The following RAP1GAP variants were observed in gnomAD, a reference collection of about 807,000 sequenced individuals.
RAP1GAP encodes RAP1 GTPase activating protein, also known as rap1 GTPase-activating protein 1.
Under a neutral mutation model 87.2 loss-of-function variants are expected in RAP1GAP, and 35 were observed. The ratio of observed to expected loss-of-function variants is 0.40; its 90% CI spans 0.31 to 0.53. RAP1GAP has a LOEUF of 0.53. RAP1GAP is among the 20% of genes least tolerant of loss of function. The pLI, the probability that RAP1GAP is intolerant of heterozygous loss-of-function variation, is 0.48. For synonymous variants in RAP1GAP, 375 were observed against 363.9 expected, an observed-to-expected ratio of 1.03 and a Z score of -0.35; for missense variants, 734 against 898.9, an observed-to-expected ratio of 0.82 and a Z score of 2.35.
At chr1:21,646,099 C>A (rs561999864) in intron 2 of RAP1GAP, among the ~76,000 whole-genome samples, 1 of 152,286 alleles carries the variant, frequency 6.6e-6, no homozygotes, top group Admixed American at 6.5e-5. Flanking sequence ...GACAAACAGT[C>A]ATCTGTAAGG....
Position 21,609,792 on chromosome 1 carries a change from G to T in RAP1GAP, c.1000-146C>A. 1.6e-6 allele frequency: 1 copy of T among 644,928 alleles called. No individual in the cohort carries two copies. The highest frequency in any genetic ancestry group is 2.6e-6 in the Non-Finnish European group (1 of 390,534). 40.0% of individuals were successfully genotyped at this position (644,928 alleles called of 1,614,324 possible). On this transcript the variant is annotated intron_variant, in intron 14 of 24. Coordinates refer to ENST00000374765, the MANE Select transcript of RAP1GAP (RefSeq NM_002885.4). The surrounding 1 kb of genome is among the most constrained non-coding windows in gnomAD (Gnocchi z 4.4). ...GGGCTGGATGAATCTTTCTTCCAGA[G>T]ATTTCTGCCCTCTATCTTTTGCCCT...
At chr1:21,640,053 G>T (rs1279087043) in intron 2 of RAP1GAP, among the ~76,000 whole-genome samples, 2 of 129,548 alleles carry the variant, frequency 1.5e-5, no homozygotes, top group Non-Finnish European at 3.3e-5. Flanking sequence ...CCCCATCCCC[G>T]GCCCCCCTCC....
intron 7 of RAP1GAP, among the ~76,000 whole-genome samples, chr1:21,616,726 C>T (rs1247926161): frequency 6.6e-6 from 1 of 152,212 alleles, no homozygotes; most frequent in Non-Finnish European, 1.5e-5. Flanking sequence ...CTGCATCAAC[C>T]CATGACATTA....
chr1:21,662,643 C>T (rs1299745779), intron 1 of RAP1GAP, among the ~76,000 whole-genome samples: 2 of 152,100 alleles, frequency 1.3e-5, no homozygotes, highest in Non-Finnish European at 2.9e-5. Context: ...AAGTCTCAGC[C>T]CCACCCCTGC....
intron 1 of RAP1GAP, among the ~76,000 whole-genome samples, chr1:21,666,031 C>G (rs766091468): frequency 3.3e-5 from 5 of 152,256 alleles, no homozygotes; most frequent in Non-Finnish European, 5.9e-5. Context: ...CCGGGCCACA[C>G]AGCCAGCAAG....
Position 21,634,532 on chromosome 1 carries a change from G to T in RAP1GAP, c.-112-8135C>A, listed in dbSNP as rs189191237. 4.1e-4 allele frequency among the ~76,000 whole-genome samples: 63 copies of T among 152,348 alleles called. No individual in the cohort carries two copies. Among genetic ancestry groups the T allele is most frequent in the Middle Eastern group, 3.4e-3 (1 of 294 alleles). ...ACAGAGCTGGCAGGGTCCCCCTGGG[G>T]GTGTGGGTGGGAGACTCAGGCCCCA... On this transcript the variant is annotated intron_variant, in intron 2 of 24. Coordinates refer to ENST00000374765, the MANE Select transcript of RAP1GAP (RefSeq NM_002885.4). The surrounding 1 kb of genome is among the most constrained non-coding windows in gnomAD (Gnocchi z 4.1).
At chr1:21,627,559 G>A (rs1041468032) in intron 2 of RAP1GAP, among the ~76,000 whole-genome samples, 8 of 152,034 alleles carry the variant, frequency 5.3e-5, no homozygotes, top group Admixed American at 5.2e-4. Flanking sequence ...AGGATTGCAG[G>A]CATGCGCCAC....
chr1:21,616,136 A>AACACACACACACACAC (rs58644324), intron 7 of RAP1GAP, among the ~76,000 whole-genome samples: 4 of 126,792 alleles, frequency 3.2e-5, no homozygotes, highest in African/African-American at 9.1e-5. Flanking sequence ...CCCTCTTCCC[A>AACACACACACACACAC]ACACACACAC....
chr1:21,662,445 G>A (rs763409308), intron 1 of RAP1GAP, among the ~76,000 whole-genome samples: 29 of 152,200 alleles, frequency 1.9e-4, no homozygotes, highest in Non-Finnish European at 3.5e-4. Context: ...ACAGACGTAG[G>A]GGGCCAGGAG....
chr1:21,630,123 T>A (rs964142619), intron 2 of RAP1GAP, among the ~76,000 whole-genome samples: 15 of 152,212 alleles, frequency 9.9e-5, no homozygotes, highest in Non-Finnish European at 2.1e-4. Context: ...ACAGAGAGGT[T>A]AAGTAACTTG....
At position 21,668,989 on chromosome 1, in the gene RAP1GAP, G is replaced by A. The variant is rs1387751038; in HGVS notation, c.-149+265C>T. 6.6e-6 allele frequency among the ~76,000 whole-genome samples: 1 copy of A among 151,566 alleles called. No individual in the cohort carries two copies. Among genetic ancestry groups the A allele is most frequent in the Non-Finnish European group, 1.5e-5 (1 of 67,754 alleles). On this transcript the variant is annotated intron_variant, in intron 1 of 24. Transcript: ENST00000374765. The surrounding 1 kb of genome is among the most constrained non-coding windows in gnomAD (Gnocchi z 6.2). ...GGGGTGGGACCAAAGCCCCCTGGCC[G>A]CGGCCTGGACCAAGTCCAACAGGCT...
intron 1 of RAP1GAP, chr1:21,651,903 G>GCCCGGC: frequency 1.0e-6 from 1 of 980,102 alleles, no homozygotes; most frequent in Non-Finnish European, 1.2e-6. Flanking sequence ...CAACGCGGCC[G>GCCCGGC]CCCCGCCCCC....
chr1:21,631,727 G>C (rs555919677), intron 2 of RAP1GAP, among the ~76,000 whole-genome samples: 18 of 152,268 alleles, frequency 1.2e-4, no homozygotes, highest in African/African-American at 3.4e-4. Flanking sequence ...AAGAAATCCA[G>C]ATGAGATATA....
rs981650035 is a variant in RAP1GAP, at chr1:21,651,882, G to A, written c.-148-2086C>T. Reference sequence around the variant, plus strand: ...AGCCGGAGCCGCCTTCCCGCGCCCGGGTCACCTTGGCAACGCGGCCGCCCC... The same window carrying A: ...AGCCGGAGCCGCCTTCCCGCGCCCGAGTCACCTTGGCAACGCGGCCGCCCC... On this transcript the variant is annotated intron_variant, in intron 1 of 24. Coordinates refer to ENST00000374765, the MANE Select transcript of RAP1GAP (RefSeq NM_002885.4). The A allele has an allele frequency of 4.6e-4, 475 of 1,028,544 alleles. 2 individuals carry two copies. The highest frequency in any genetic ancestry group is 5.2e-4 in the Non-Finnish European group (445 of 860,708). The allele number at this position is 1,028,544 out of a possible 1,614,324, so 63.7% of individuals were successfully genotyped here. A position where few individuals can be genotyped will look rare whatever the true frequency, so the allele number is the denominator to read the frequency against.
Position 21,662,647 on chromosome 1 carries a change from C to T in RAP1GAP, c.-149+6607G>A, listed in dbSNP as rs184377357. Among the ~76,000 whole-genome samples the T allele has an allele frequency of 1.6e-3, 250 of 152,196 alleles. 2 individuals carry two copies. The highest frequency in any genetic ancestry group is 5.7e-3 in the African/African-American group (235 of 41,530). ...TGTGAGCCTCCAAGTCTCAGCCCCA[C>T]CCCTGCTCCTGCCCCTGCCCAGAAT... On this transcript the variant is annotated intron_variant, in intron 1 of 24. Coordinates refer to ENST00000374765, the MANE Select transcript of RAP1GAP (RefSeq NM_002885.4).
At chr1:21,606,265 A>G in intron 17 of RAP1GAP, 68 bp from the exon 18 acceptor site, 1 of 1,527,534 alleles carries the variant, frequency 6.5e-7, no homozygotes, top group Non-Finnish European at 8.8e-7. Flanking sequence ...GAAACCCAGG[A>G]GCCCAGGCAT....
At chr1:21,598,374 G>A in intron 22 of RAP1GAP, 26 bp downstream of exon 22, 1 of 1,578,472 alleles carries the variant, frequency 6.3e-7, no homozygotes, top group Non-Finnish European at 8.7e-7. Flanking sequence ...GCCCTGCTTT[G>A]TGGGGAAGCT....
intron 5 of RAP1GAP, among the ~76,000 whole-genome samples, chr1:21,618,365 T>C (rs577242833): frequency 1.9e-4 from 29 of 152,306 alleles, no homozygotes; most frequent in Admixed American, 4.6e-4. Context: ...TTACTGCCCA[T>C]GCACCCTCCT....
Position 21,601,801 on chromosome 1 carries a change from C to CG in RAP1GAP, c.1539-5dup. ...CTGACCAGCCGGAGGGCTCTCCCTGCGGGGCACACGGGGGCAGCGGGGGGA... is the reference window on the plus strand; with the variant it reads ...CTGACCAGCCGGAGGGCTCTCCCTGCGGGGGCACACGGGGGCAGCGGGGGGA... On this transcript the variant is annotated splice_region_variant and splice_polypyrimidine_tract_variant and intron_variant, in intron 19 of 24. Transcript: ENST00000374765. 2 of 1,586,186 alleles carry CG rather than the reference C, an allele frequency of 1.3e-6. No homozygotes were observed. Among genetic ancestry groups the CG allele is most frequent in the Non-Finnish European group, 8.6e-7 (1 of 1,164,342 alleles).
Sources: allele counts gnomAD v4.1 joint callset (sites outside exome capture counted in the v4.1 genomes callset), GRCh38; gene constraint gnomAD v4.1.1; non-coding constraint Gnocchi (gnomAD v3.1); transcripts MANE v1.5; gene names NCBI Gene and HGNC (gene_info 2026-07-23, HGNC 2026-07-21).